Variants in OR2AT4 observed in about 807,000 individuals in gnomAD.
OR2AT4 encodes olfactory receptor 2AT4.
Under a neutral mutation model 10.3 loss-of-function variants are expected in OR2AT4, and 6 were observed. The observed-to-expected ratio is 0.58, with a 90% CI of 0.32 to 1.15. The LOEUF (loss-of-function observed/expected upper bound fraction) is 1.15, where lower values mean the gene tolerates loss of function less well. OR2AT4 is among the 50% of genes most tolerant of loss of function. The pLI, the probability that OR2AT4 is intolerant of heterozygous loss-of-function variation, is 0.05. For missense variants in OR2AT4, 354 were observed against 393.8 expected (o/e 0.90, Z 0.85); for synonymous variants, 145 against 159.1 (o/e 0.91, Z 0.67).
intron 1 of OR2AT4, among the ~76,000 whole-genome samples, chr11:75,092,409 C>T (rs1949324200): frequency 1.3e-5 from 2 of 152,194 alleles, no homozygotes; most frequent in South Asian, 4.2e-4. Context: ...GTTTAAGGTA[C>T]TCACGTGCAA....
At chr11:75,092,877 G>A (rs922418393) in intron 1 of OR2AT4, among the ~76,000 whole-genome samples, 5 of 152,002 alleles carry the variant, frequency 3.3e-5, no homozygotes, top group African/African-American at 7.2e-5. Flanking sequence ...TGAGGCGGGC[G>A]GATCATGAGG....
At chr11:75,086,339 C>T (rs569155202) in exon 2 of OR2AT4, 81 of 152,230 alleles carry the variant, frequency 5.3e-4, no homozygotes, top group African/African-American at 1.9e-3. Context: ...ATAAGTTAGG[C>T]TTTATCAAAA....
Position 75,088,679 on chromosome 11 carries a change from G to A in OR2AT4, c.*72C>T, listed in dbSNP as rs76652327. The A allele has an allele frequency of 6.0e-3, 8,049 of 1,340,306 alleles. 384 individuals carry two copies. In the African/African-American group the frequency reaches 0.1, roughly 17 times the overall value. 83.0% of individuals were successfully genotyped at this position (1,340,306 alleles called of 1,614,324 possible). Reference sequence around the variant, plus strand: ...AAAATTAACATTATTTCATTATCATGTATTGAGTCCTTTCTCTGTGCTAAG... The same window carrying A: ...AAAATTAACATTATTTCATTATCATATATTGAGTCCTTTCTCTGTGCTAAG... On this transcript the variant is annotated 3_prime_UTR_variant, in exon 2 of 2. Coordinates refer to ENST00000641504, the Ensembl canonical transcript of OR2AT4.
In OR2AT4 at chr11:75,092,803, TA is replaced by T. The variant is rs1009942913; in HGVS notation, c.-651-2440del. Among the ~76,000 whole-genome samples, 121 of 145,144 alleles carry T rather than the reference TA, an allele frequency of 8.3e-4. 1 individual carries two copies. The highest frequency in any genetic ancestry group is 3.4e-3 in the East Asian group (17 of 5,024). ...AAAATTTAAAAATGAAAAATAAGAT[TA>T]AAAAAAAAAAGATAAGGTCAGGTGC... On this transcript the variant is annotated intron_variant, in intron 1 of 1. Coordinates refer to ENST00000641504, the Ensembl canonical transcript of OR2AT4.
At chr11:75,087,122 G>A (rs1272994510) in exon 2 of OR2AT4, 1 of 152,094 alleles carries the variant, frequency 6.6e-6, no homozygotes, top group East Asian at 1.9e-4. Context: ...ATTGGATCCT[G>A]GAATGGAAAG....
chr11:75,093,191 C>G (rs1949328830), intron 1 of OR2AT4, among the ~76,000 whole-genome samples: 1 of 152,228 alleles, frequency 6.6e-6, no homozygotes, highest in Non-Finnish European at 1.5e-5. Flanking sequence ...AGGTTGGAAT[C>G]TAAGTTAAAG....
exon 2 of OR2AT4, chr11:75,083,970 CAAAAA>C: frequency 1.0e-5 from 1 of 95,286 alleles, no homozygotes; most frequent in Non-Finnish European, 2.2e-5. Flanking sequence ...AACTCCGTCT[CAAAAA>C]AAAAAAAAGA....
chr11:75,089,267 C>A (rs1179529365), exon 2 of OR2AT4: 1 of 1,614,112 alleles, frequency 6.2e-7, no homozygotes. Context: ...CACTGGCTGC[C>A]AAGGTAGCAT....
chr11:75,087,249 T>C (rs548403153), exon 2 of OR2AT4: 1 of 152,328 alleles, frequency 6.6e-6, no homozygotes, highest in African/African-American at 2.4e-5. Flanking sequence ...TTATGTAAGA[T>C]GTTGACACAG....
exon 2 of OR2AT4, chr11:75,089,870 G>A: frequency 1.3e-6 from 1 of 743,024 alleles, no homozygotes; most frequent in Non-Finnish European, 2.1e-6. Flanking sequence ...CAACTGTAGA[G>A]GACTGATGAG....
At chr11:75,082,533 C>T (rs1664198431) in exon 2 of OR2AT4, 1 of 152,054 alleles carries the variant, frequency 6.6e-6, no homozygotes, top group South Asian at 2.1e-4. Flanking sequence ...CCCTACCTTT[C>T]ACCATAAACA....
At chr11:75,092,238 T>C (rs980420696) in intron 1 of OR2AT4, among the ~76,000 whole-genome samples, 1 of 152,218 alleles carries the variant, frequency 6.6e-6, no homozygotes, top group Non-Finnish European at 1.5e-5. Flanking sequence ...GTTGGTAAGA[T>C]ATGTAGTAAC....
At chr11:75,094,765 A>G (rs1392474274) in intron 1 of OR2AT4, among the ~76,000 whole-genome samples, 1 of 152,148 alleles carries the variant, frequency 6.6e-6, no homozygotes, top group African/African-American at 2.4e-5. Flanking sequence ...AAACAAATAA[A>G]CAAAAAGACA....
intron 1 of OR2AT4, chr11:75,096,248 G>C (rs11236328): frequency 1.3e-5 from 2 of 152,134 alleles, no homozygotes; most frequent in African/African-American, 4.8e-5. Context: ...TGAGAGATTC[G>C]AAGACAGATG....
intron 1 of OR2AT4, among the ~76,000 whole-genome samples, chr11:75,093,073 C>A (rs1029430586): frequency 6.6e-6 from 1 of 152,188 alleles, no homozygotes; most frequent in Non-Finnish European, 1.5e-5. Context: ...GCACTCCAGC[C>A]TGGCAACAGA....
Position 75,084,702 on chromosome 11 carries a change from G to A in OR2AT4, c.*4049C>T, listed in dbSNP as rs571122401. On this transcript the variant is annotated 3_prime_UTR_variant, in exon 2 of 2. Transcript: ENST00000641504. ...CAAAGCATATTCTTGAACCATAAGG[G>A]AATTAAACTAGACAGGAGTAACAGA... 3 of 152,192 alleles carry A rather than the reference G, an allele frequency of 2.0e-5. No individual in the cohort carries two copies. The East Asian group carries it at 5.8e-4, about 29-fold the overall frequency. 9.4% of individuals were successfully genotyped at this position (152,192 alleles called of 1,614,324 possible).
chr11:75,085,837 G>T (rs1949287862), exon 2 of OR2AT4: 1 of 151,874 alleles, frequency 6.6e-6, no homozygotes, highest in South Asian at 2.1e-4. Flanking sequence ...CCAGTAACTT[G>T]GTTCTAAAAT....
chr11:75,087,582 C>G (rs1949296760), exon 2 of OR2AT4: 1 of 152,208 alleles, frequency 6.6e-6, no homozygotes, highest in African/African-American at 2.4e-5. Flanking sequence ...AGCAAGGCCT[C>G]TTCTCAGAAC....
rs1949307310 is a variant in OR2AT4 at position 75,089,177 on chromosome 11, G to GATGT, written c.533_536dup (p.Tyr180HisfsTer7). On this transcript the variant is annotated frameshift_variant, in exon 2 of 2. Coordinates refer to ENST00000641504, the Ensembl canonical transcript of OR2AT4. LOFTEE classifies it high-confidence loss of function. ...CCAGATGATCACAGAAGCAGTGGTA[G>GATGT]ATGTAGGCAATGCTGTTATATGCCA... 2 of 1,614,170 alleles carry GATGT rather than the reference G, an allele frequency of 1.2e-6. No individual in the cohort carries two copies. Among genetic ancestry groups the GATGT allele is most frequent in the Non-Finnish European group, 1.7e-6 (2 of 1,179,992 alleles).
Sources: gnomAD v4.1 joint callset for allele counts (sites outside exome capture counted in the v4.1 genomes callset) on GRCh38, gnomAD v4.1.1 for gene constraint, MANE v1.5 for transcripts, NCBI Gene and HGNC (gene_info 2026-07-23, HGNC 2026-07-21) for gene names.